Variants in SGCZ observed in about 807,000 individuals in gnomAD.
SGCZ encodes the protein zeta-sarcoglycan.
In SGCZ, 40 loss-of-function variants were observed where a neutral mutation model predicts 41.3. The observed-to-expected ratio is 0.97, with a 90% CI of 0.75 to 1.26. The LOEUF (loss-of-function observed/expected upper bound fraction) is 1.26. Ranked by LOEUF, SGCZ falls within the 50% of genes most tolerant of loss-of-function variation. The pLI is 0.00. For synonymous variants in SGCZ, 206 were observed against 137.5 expected, an observed-to-expected ratio of 1.50 and a Z score of -3.49; for missense variants, 552 against 369.8, an observed-to-expected ratio of 1.49 and a Z score of -4.04.
chr8:15,161,291 G>A (rs559960951), intron 1 of SGCZ, among the ~76,000 whole-genome samples: 1 of 152,204 alleles, frequency 6.6e-6, no homozygotes, highest in African/African-American at 2.4e-5. Flanking sequence ...CGACTCTCCT[G>A]TAAGGTCTTT....
At chr8:14,180,505 G>T (rs1054694545) in intron 4 of SGCZ, among the ~76,000 whole-genome samples, 8 of 151,914 alleles carry the variant, frequency 5.3e-5, no homozygotes, top group African/African-American at 1.9e-4. Flanking sequence ...ACAAAATATA[G>T]ACTGGAAGTC....
At chr8:14,308,924 C>T in intron 3 of SGCZ, 3 of 517,518 alleles carry the variant, frequency 5.8e-6, no homozygotes, top group South Asian at 3.2e-5. Flanking sequence ...ATTTGAAATC[C>T]AGTAGACTAA....
At chr8:14,186,936 G>C (rs1037342323) in intron 4 of SGCZ, among the ~76,000 whole-genome samples, 7 of 152,010 alleles carry the variant, frequency 4.6e-5, no homozygotes, top group Admixed American at 3.9e-4. Context: ...CTGGAAAAAA[G>C]TTGGGATTTA....
intron 1 of SGCZ, among the ~76,000 whole-genome samples, chr8:14,855,502 A>G (rs1803516332): frequency 6.6e-6 from 1 of 152,156 alleles, no homozygotes. Flanking sequence ...GATTATAGTC[A>G]TGGGGTTCAG....
chr8:14,609,301 C>G (rs890491022), intron 1 of SGCZ, among the ~76,000 whole-genome samples: 13 of 151,972 alleles, frequency 8.6e-5, no homozygotes, highest in African/African-American at 2.7e-4. Flanking sequence ...AACGTCAATG[C>G]TGGTATTACA....
intron 2 of SGCZ, among the ~76,000 whole-genome samples, chr8:14,527,903 A>C (rs1467233183): frequency 2.6e-5 from 4 of 152,096 alleles, no homozygotes; most frequent in African/African-American, 4.8e-5. Context: ...TAGTCCAAAA[A>C]AAGTGGGAGG....
At chr8:14,127,243 C>T (rs1472158917) in intron 5 of SGCZ, among the ~76,000 whole-genome samples, 1 of 152,040 alleles carries the variant, frequency 6.6e-6, no homozygotes, top group African/African-American at 2.4e-5. Flanking sequence ...CCCGTTCTGC[C>T]ACTGATAGCT....
At chr8:14,752,730 G>T (rs1799536669) in intron 1 of SGCZ, among the ~76,000 whole-genome samples, 1 of 152,114 alleles carries the variant, frequency 6.6e-6, no homozygotes, top group South Asian at 2.1e-4. Context: ...AGTTTGGAAA[G>T]AAAGCAAAAG....
At chr8:14,924,695 A>C (rs563746678) in intron 1 of SGCZ, among the ~76,000 whole-genome samples, 154 of 152,262 alleles carry the variant, frequency 1.0e-3, no homozygotes, top group African/African-American at 3.6e-3. Context: ...AAAGATAGTA[A>C]TTAGATAAAT....
chr8:15,027,764 T>C (rs550474388), intron 1 of SGCZ, among the ~76,000 whole-genome samples: 1 of 152,180 alleles, frequency 6.6e-6, no homozygotes, highest in East Asian at 1.9e-4. Flanking sequence ...TTTGTGACCA[T>C]AATTCTTAAA....
intron 1 of SGCZ, among the ~76,000 whole-genome samples, chr8:14,864,181 G>A (rs952172021): frequency 8.6e-5 from 13 of 152,034 alleles, no homozygotes; most frequent in African/African-American, 2.2e-4. Flanking sequence ...TGTATTCTAC[G>A]TATTCTACTG....
At chr8:14,153,398 T>C (rs767581324) in intron 5 of SGCZ, among the ~76,000 whole-genome samples, 24 of 152,152 alleles carry the variant, frequency 1.6e-4, no homozygotes, top group Admixed American at 8.5e-4. Flanking sequence ...TACCTCTGAA[T>C]ACCAGTGCAA....
chr8:14,976,347 G>C (rs542631315), intron 1 of SGCZ, among the ~76,000 whole-genome samples: 12 of 152,126 alleles, frequency 7.9e-5, no homozygotes, highest in Non-Finnish European at 1.8e-4. Flanking sequence ...TGACTAGGAA[G>C]TTCAGGGCCA....
intron 3 of SGCZ, among the ~76,000 whole-genome samples, chr8:14,239,857 C>T (rs1289738624): frequency 8.5e-6 from 1 of 117,182 alleles, no homozygotes; most frequent in Non-Finnish European, 1.6e-5. Context: ...AGCCGAGATC[C>T]CACCACTGCA....
intron 1 of SGCZ, among the ~76,000 whole-genome samples, chr8:15,117,472 C>G (rs1248673369): frequency 6.6e-6 from 1 of 152,142 alleles, no homozygotes; most frequent in Admixed American, 6.5e-5. Flanking sequence ...TCCATTGTGG[C>G]ATGATGGGGA....
intron 3 of SGCZ, among the ~76,000 whole-genome samples, chr8:14,293,291 T>C (rs1338852611): frequency 6.6e-6 from 1 of 152,090 alleles, no homozygotes; most frequent in African/African-American, 2.4e-5. Context: ...ACTCAGACTC[T>C]GTCTGCCACA....
intron 2 of SGCZ, among the ~76,000 whole-genome samples, chr8:14,495,221 A>C (rs1801956148): frequency 6.6e-6 from 1 of 152,206 alleles, no homozygotes; most frequent in Admixed American, 6.5e-5. Flanking sequence ...AATGCCTATC[A>C]GTACTCCCTG....
intron 5 of SGCZ, among the ~76,000 whole-genome samples, chr8:14,153,960 C>CAT (rs1454655603): frequency 7.2e-6 from 1 of 139,176 alleles, no homozygotes; most frequent in African/African-American, 2.8e-5. Flanking sequence ...CACACACACA[C>CAT]ATATATATGA....
chr8:15,040,068 A>C (rs1441096206), intron 1 of SGCZ, among the ~76,000 whole-genome samples: 4 of 152,204 alleles, frequency 2.6e-5, no homozygotes, highest in Non-Finnish European at 5.9e-5. Context: ...AGATAAAAGG[A>C]TTTCTCTATT....
Sources: allele counts gnomAD v4.1 joint callset (sites outside exome capture counted in the v4.1 genomes callset), GRCh38; gene constraint gnomAD v4.1.1; transcripts MANE v1.5; gene names NCBI Gene and HGNC (gene_info 2026-07-23, HGNC 2026-07-21).